Variants in VTA1 observed in about 807,000 individuals in gnomAD.
VTA1 encodes the protein vesicle trafficking 1.
In VTA1, 24 loss-of-function variants were observed where a neutral mutation model predicts 36.9. The observed-to-expected ratio is 0.65, with a 90% confidence interval of 0.47 to 0.91. The LOEUF is 0.91. VTA1 is among the 40% of genes least tolerant of loss of function. The probability of loss-of-function intolerance (pLI) is 0.00; values close to 1 mark genes in which losing one functional copy is unlikely to be tolerated. For synonymous variants in VTA1, 142 were observed against 130.2 expected, an observed-to-expected ratio of 1.09 and a Z score of -0.62; for missense variants, 393 against 377.2, an observed-to-expected ratio of 1.04 and a Z score of -0.35.
rs180946619 is a variant in VTA1, at chr6:142,210,262, C to T, written c.778+6197C>T. Among the ~76,000 whole-genome samples, 89 of 152,256 alleles carry T rather than the reference C, an allele frequency of 5.8e-4. 2 individuals carry two copies. The highest frequency in any genetic ancestry group is 3.7e-3 in the Admixed American group (57 of 15,294). ...CCCATCTCTCATCCTACACAAAAAT[C>T]AAGTCAAAATGGATTAAAGACTTAC... On this transcript the variant is annotated intron_variant, in intron 7 of 7. Transcript: ENST00000367630.
At chr6:142,187,061 G>A (rs553218552) in intron 4 of VTA1, among the ~76,000 whole-genome samples, 47 of 152,262 alleles carry the variant, frequency 3.1e-4, no homozygotes, top group African/African-American at 7.9e-4. Flanking sequence ...ATTTTTAAAA[G>A]AGAAGTTAGA....
intron 2 of VTA1, among the ~76,000 whole-genome samples, chr6:142,168,581 A>G (rs1416688489): frequency 1.3e-5 from 2 of 151,814 alleles, no homozygotes; most frequent in East Asian, 3.9e-4. Context: ...GTGTCTATAG[A>G]AAAGGGCTAA....
chr6:142,197,918 CAA>C (rs1379077511), intron 5 of VTA1, among the ~76,000 whole-genome samples: 3 of 91,632 alleles, frequency 3.3e-5, no homozygotes, highest in African/African-American at 4.0e-5. Context: ...ACTAAAAATA[CAA>C]AAAAAAAAAA....
rs1774990392 is a variant in VTA1 at position 142,169,641 on chromosome 6, A to T, written c.299A>T (p.Tyr100Phe). 1 of 1,609,078 alleles carries T rather than the reference A, an allele frequency of 6.2e-7. No individual in the cohort carries two copies. Among genetic ancestry groups the T allele is most frequent in the Non-Finnish European group, 8.5e-7 (1 of 1,178,872 alleles). Residue 100 changes from tyrosine (Y) to phenylalanine (F), a missense_variant, in exon 3 of 8, where the codon TAT becomes TTT. Transcript: ENST00000367630. ...AATTATGCTTTGAAAATGTTTTTGTATGCAGACAATGAAGATCGTGCTGGA... is the reference window on the plus strand; with the variant it reads ...AATTATGCTTTGAAAATGTTTTTGTTTGCAGACAATGAAGATCGTGCTGGA... ...LENYALKMFL[Y>F]ADNEDRAGRF... is the part of the protein sequence containing the mutation.
chr6:142,153,875 A>T lies in VTA1; in HGVS notation c.112+6476A>T, dbSNP rs528771839. ...CATGTGCAGCACATGTAGTTGTAAG[A>T]AATATTACAGAGAGATTCTGTGTAC... On this transcript the variant is annotated intron_variant, in intron 1 of 7. Transcript: ENST00000367630. Among the ~76,000 whole-genome samples the T allele has an allele frequency of 4.6e-5, 7 of 152,204 alleles. No homozygotes were observed. In the South Asian group the frequency reaches 1.4e-3, roughly 32 times the overall value.
intron 5 of VTA1, among the ~76,000 whole-genome samples, chr6:142,191,512 A>C (rs552027800): frequency 6.6e-6 from 1 of 152,262 alleles, no homozygotes; most frequent in Non-Finnish European, 1.5e-5. Context: ...TAAATAGATT[A>C]TTAAATGTAG....
intron 5 of VTA1, among the ~76,000 whole-genome samples, chr6:142,198,119 A>ATATGTG (rs1315222547): frequency 3.5e-4 from 34 of 98,252 alleles, no homozygotes; most frequent in South Asian, 7.5e-4. Context: ...ATATATATAT[A>ATATGTG]TGTGTGTGTG....
chr6:142,204,896 T>TTTTTTTGTTTTTTTTTTG (rs1775760088), intron 7 of VTA1, among the ~76,000 whole-genome samples: 1 of 152,070 alleles, frequency 6.6e-6, no homozygotes, highest in Admixed American at 6.5e-5. Context: ...AGCAAATTTT[T>TTTTTTTGTTTTTTTTTTG]ATATTTTTAG....
chr6:142,212,189 TATATTC>T (rs531436549), intron 7 of VTA1, among the ~76,000 whole-genome samples: 98 of 152,330 alleles, frequency 6.4e-4, no homozygotes, highest in African/African-American at 2.2e-3. Context: ...TTTTAAAACA[TATATTC>T]ATATGAAAAC....
Position 142,175,649 on chromosome 6 carries a change from A to C in VTA1, c.411+5228A>C, listed in dbSNP as rs145760991. Among the ~76,000 whole-genome samples, 15 of 151,986 alleles carry C rather than the reference A, an allele frequency of 9.9e-5. No individual in the cohort carries two copies. In the East Asian group the frequency reaches 2.9e-3, roughly 30 times the overall value. On this transcript the variant is annotated intron_variant, in intron 4 of 7. Transcript: ENST00000367630. ...GCTTGAAAAGTTGCTATAGTGTTTC[A>C]TTTTTTAACCTGTAGATGGAAAAAT...
rs918046246 is a variant in VTA1 at position 142,219,239 on chromosome 6, A to G, written c.*596A>G. The G allele has an allele frequency of 2.6e-5, 4 of 152,230 alleles. No individual in the cohort carries two copies. The highest frequency in any genetic ancestry group is 7.2e-5 in the African/African-American group (3 of 41,460). The allele number at this position is 152,230 out of a possible 1,614,324, so 9.4% of individuals were successfully genotyped here. A position where few individuals can be genotyped will look rare whatever the true frequency, so the allele number is the denominator to read the frequency against. On this transcript the variant is annotated 3_prime_UTR_variant, in exon 8 of 8. Transcript: ENST00000367630. ...TTCATGGGAGAAAATATAATAAGGT[A>G]AAGAGGTAGAATCACTTTCAGACTT...
At chr6:142,147,440 G>C (rs1229914948) in intron 1 of VTA1, 41 bp downstream of exon 1, 1 of 1,573,322 alleles carries the variant, frequency 6.4e-7, no homozygotes, top group Non-Finnish European at 8.7e-7. Flanking sequence ...TTTCCCAGTT[G>C]CATTTTAGGG....
At chr6:142,147,632 C>T (rs866646070) in intron 1 of VTA1, among the ~76,000 whole-genome samples, 1 of 152,250 alleles carries the variant, frequency 6.6e-6, no homozygotes, top group Admixed American at 6.5e-5. Context: ...GTACTGACTA[C>T]ACAGGCTCTT....
chr6:142,149,536 C>T (rs375286282), intron 1 of VTA1, among the ~76,000 whole-genome samples: 2 of 152,030 alleles, frequency 1.3e-5, no homozygotes, highest in East Asian at 1.9e-4. Flanking sequence ...ATTTGTGATT[C>T]GGTTTTGAAA....
At chr6:142,159,478 G>GTATTATTATTAT (rs199893577) in intron 1 of VTA1, among the ~76,000 whole-genome samples, 9 of 134,842 alleles carry the variant, frequency 6.7e-5, no homozygotes, top group East Asian at 2.2e-4. Flanking sequence ...TTCATTTCAG[G>GTATTATTATTAT]TATTATTATT....
At chr6:142,168,420 A>C (rs1298760653) in intron 2 of VTA1, among the ~76,000 whole-genome samples, 1 of 151,998 alleles carries the variant, frequency 6.6e-6, no homozygotes, top group African/African-American at 2.4e-5. Context: ...GGCTTCTTTT[A>C]ATTTAATTTT....
chr6:142,198,049 A>G (rs1405581769), intron 5 of VTA1, among the ~76,000 whole-genome samples: 2 of 150,900 alleles, frequency 1.3e-5, no homozygotes, highest in African/African-American at 4.9e-5. Flanking sequence ...GTGAGCTGAG[A>G]TCACGCCACT....
chr6:142,152,012 A>G (rs1778577669), intron 1 of VTA1, among the ~76,000 whole-genome samples: 1 of 152,214 alleles, frequency 6.6e-6, no homozygotes, highest in Non-Finnish European at 1.5e-5. Context: ...CAACCTGGGG[A>G]ACAGGAGCAA....
intron 6 of VTA1, among the ~76,000 whole-genome samples, chr6:142,203,171 A>T (rs1199350151): frequency 6.6e-6 from 1 of 151,890 alleles, no homozygotes; most frequent in East Asian, 1.9e-4. Flanking sequence ...GAAACTTCCT[A>T]TTTATTTTAA....
Sources: allele counts gnomAD v4.1 joint callset (sites outside exome capture counted in the v4.1 genomes callset), GRCh38; gene constraint gnomAD v4.1.1; transcripts MANE v1.5; gene names NCBI Gene and HGNC (gene_info 2026-07-23, HGNC 2026-07-21).